The following IGSF3 variants were observed in gnomAD, a reference collection of about 807,000 sequenced individuals.
IGSF3 encodes immunoglobulin superfamily member 3.
Under a neutral mutation model 114.4 loss-of-function variants are expected in IGSF3, and 23 were observed. The ratio of observed to expected loss-of-function variants is 0.20; its 90% CI spans 0.14 to 0.28. IGSF3 has a LOEUF of 0.28. IGSF3 is among the 10% of genes least tolerant of loss of function. The probability of loss-of-function intolerance (pLI) is 1.00; values close to 1 mark genes in which losing one functional copy is unlikely to be tolerated. For synonymous variants in IGSF3, 571 were observed against 645.2 expected (o/e 0.88, Z 1.74); for missense variants, 1,172 against 1,591.5 (o/e 0.74, Z 4.48).
chr1:116,619,930 C>A (rs1571165046), intron 2 of IGSF3, among the ~76,000 whole-genome samples: 1 of 152,152 alleles, frequency 6.6e-6, no homozygotes, highest in East Asian at 1.9e-4. Flanking sequence ...GACAGGATGG[C>A]AAGTGATTTT....
chr1:116,643,103 G>C (rs1371947900), intron 2 of IGSF3, among the ~76,000 whole-genome samples: 1 of 152,206 alleles, frequency 6.6e-6, no homozygotes, highest in Non-Finnish European at 1.5e-5. Context: ...CAGGGTCATG[G>C]TGCAGGCTCC....
intron 9 of IGSF3, among the ~76,000 whole-genome samples, chr1:116,580,380 A>G (rs1263372224): frequency 6.6e-6 from 1 of 152,236 alleles, no homozygotes; most frequent in Non-Finnish European, 1.5e-5. Context: ...GGCTGGTGCT[A>G]TGAACTGAAT....
In IGSF3 at chr1:116,618,490, G is replaced by A. The variant is rs1429456798; in HGVS notation, c.44-2033C>T. Among the ~76,000 whole-genome samples the A allele has an allele frequency of 1.3e-5, 2 of 152,146 alleles. No homozygotes were observed. The highest frequency in any genetic ancestry group is 2.9e-5 in the Non-Finnish European group (2 of 68,032). ...AGCATATATAGAGATCTAATATATG[G>A]CACTTAATGTTGGCATGGCAGATCA... On this transcript the variant is annotated intron_variant, in intron 2 of 10. Transcript: ENST00000369486. This position sits in a 1 kb window ranked among gnomAD's most constrained non-coding sequence, Gnocchi z 4.7.
intron 4 of IGSF3, among the ~76,000 whole-genome samples, chr1:116,609,035 TTACTTTAGTAGGAAAGTACC>T (rs1660909206): frequency 1.3e-5 from 2 of 152,046 alleles, no homozygotes; most frequent in East Asian, 3.9e-4. Context: ...TACTAAGTAC[TTACTTTAGTAGGAAAGTACC>T]TACTTTAGTG....
rs1352685422 is a variant in IGSF3 at position 116,614,303 on chromosome 1, T to A, written c.422-128A>T. On this transcript the variant is annotated intron_variant, in intron 3 of 10. Transcript: ENST00000369486. This position sits in a 1 kb window ranked among gnomAD's most constrained non-coding sequence, Gnocchi z 4.5. ...CTAACAGTCATCCTTGAACCATCGATTCAAGGCCACAGACAGCCCCAAATG... is the reference window on the plus strand; with the variant it reads ...CTAACAGTCATCCTTGAACCATCGAATCAAGGCCACAGACAGCCCCAAATG... 16 of 717,064 alleles carry A rather than the reference T, an allele frequency of 2.2e-5. No individual in the cohort carries two copies. Among genetic ancestry groups the A allele is most frequent in the Non-Finnish European group, 3.7e-5 (16 of 427,088 alleles). The allele number at this position is 717,064 out of a possible 1,614,324, so 44.4% of individuals were successfully genotyped here.
intron 2 of IGSF3, among the ~76,000 whole-genome samples, chr1:116,652,287 C>T (rs901285823): frequency 6.6e-6 from 1 of 152,184 alleles, no homozygotes; most frequent in African/African-American, 2.4e-5. Flanking sequence ...GCACTAATTG[C>T]AAATCATTCT....
chr1:116,601,314 C>T (rs1571143014), intron 6 of IGSF3, among the ~76,000 whole-genome samples: 1 of 152,126 alleles, frequency 6.6e-6, no homozygotes, highest in Admixed American at 6.5e-5. Flanking sequence ...ATTCCAGGGG[C>T]CTTTTTAGGT....
rs1648508033 is a variant in IGSF3, at chr1:116,648,719, G to C, written c.43+17565C>G. Among the ~76,000 whole-genome samples the C allele has an allele frequency of 6.6e-6, 1 of 152,180 alleles. No homozygotes were observed. Among genetic ancestry groups the C allele is most frequent in the African/African-American group, 2.4e-5 (1 of 41,438 alleles). ...TGCACCTTATTCCTATTCAGGTCTG[G>C]AGATCTGGAACTTCTTCCTGAAGCT... is the stretch of plus-strand genomic sequence containing the variant. On this transcript the variant is annotated intron_variant, in intron 2 of 10. Coordinates refer to ENST00000369486, the MANE Select transcript of IGSF3 (RefSeq NM_001007237.3). The surrounding 1 kb of genome is among the most constrained non-coding windows in gnomAD (Gnocchi z 4.7).
In IGSF3 at chr1:116,612,280, C is replaced by T. The variant is rs1398410099; in HGVS notation, c.832+1485G>A. 6.6e-6 allele frequency among the ~76,000 whole-genome samples: 1 copy of T among 152,154 alleles called. No homozygotes were observed. The highest frequency in any genetic ancestry group is 1.5e-5 in the Non-Finnish European group (1 of 68,022). On this transcript the variant is annotated intron_variant, in intron 4 of 10. Transcript: ENST00000369486. The surrounding 1 kb of genome is among the most constrained non-coding windows in gnomAD (Gnocchi z 4.1). ...TTAATATTGAAAGATCCAGAAGCTG[C>T]TAAATGTCCTACAGAGCAGATAAAG... is the stretch of plus-strand genomic sequence containing the variant.
Position 116,579,344 on chromosome 1 carries a change from C to A in IGSF3, c.3334+48G>T, listed in dbSNP as rs370232026. 2.1e-4 allele frequency: 319 copies of A among 1,515,962 alleles called. No homozygotes were observed. The highest frequency in any genetic ancestry group is 2.7e-4 in the Admixed American group (12 of 44,720). 93.9% of individuals were successfully genotyped at this position (1,515,962 alleles called of 1,614,324 possible). ...CAAGCTCAAATTTATCTTCCAGACA[C>A]AGTTGGAACCAACAGTGACATCCTC... On this transcript the variant is annotated intron_variant, in intron 10 of 10. Coordinates refer to ENST00000369486, the MANE Select transcript of IGSF3 (RefSeq NM_001007237.3). This position sits in a 1 kb window ranked among gnomAD's most constrained non-coding sequence, Gnocchi z 6.4.
At position 116,603,648 on chromosome 1, in the gene IGSF3, T is replaced by A. The variant is rs771729791; in HGVS notation, c.1600A>T (p.Thr534Ser). 6.2e-7 allele frequency: 1 copy of A among 1,613,270 alleles called. No homozygotes were observed. The highest frequency in any genetic ancestry group is 2.2e-5 in the East Asian group (1 of 44,856). ...CCAAGAGCTGTGATGGAGATGGGAG[T>A]GCTGGCCCGGCGCTCCCCAACAATC... The part of the protein sequence containing the change: ...WQIVGERRAS[T>S]PISITALEMG... Residue 534 changes from threonine to serine, a missense_variant, in exon 6 of 11, where the codon ACT becomes TCT. Transcript: ENST00000369486. This position sits in a 1 kb window ranked among gnomAD's most constrained non-coding sequence, Gnocchi z 7.1.
At chr1:116,620,753 G>A (rs1334052197) in intron 2 of IGSF3, among the ~76,000 whole-genome samples, 2 of 152,116 alleles carry the variant, frequency 1.3e-5, no homozygotes, top group African/African-American at 4.8e-5. Context: ...TCTTTTTGTT[G>A]TTGTTGAGAC....
intron 2 of IGSF3, among the ~76,000 whole-genome samples, chr1:116,640,476 T>C (rs540303670): frequency 6.6e-6 from 1 of 152,370 alleles, no homozygotes; most frequent in Admixed American, 6.5e-5. Context: ...ACTACCTATG[T>C]ATGTAGCCAT....
At chr1:116,617,896 C>A (rs1166968038) in intron 2 of IGSF3, among the ~76,000 whole-genome samples, 2 of 152,250 alleles carry the variant, frequency 1.3e-5, no homozygotes, top group African/African-American at 4.8e-5. Flanking sequence ...CTGCCCACCT[C>A]CTCCCACAGC....
At chr1:116,620,201 A>G (rs1379850537) in intron 2 of IGSF3, among the ~76,000 whole-genome samples, 1 of 152,138 alleles carries the variant, frequency 6.6e-6, no homozygotes, top group Non-Finnish European at 1.5e-5. Flanking sequence ...TGGCCATCCC[A>G]GAGTTTATGC....
chr1:116,587,410 G>A (rs1557858036), intron 8 of IGSF3, among the ~76,000 whole-genome samples: 1 of 152,148 alleles, frequency 6.6e-6, no homozygotes. Flanking sequence ...GTTAAAATGA[G>A]CTAGGAATCC....
intron 2 of IGSF3, among the ~76,000 whole-genome samples, chr1:116,639,805 G>C (rs911489376): frequency 2.0e-5 from 3 of 152,074 alleles, no homozygotes; most frequent in Admixed American, 6.5e-5. Flanking sequence ...AGGCCAAGTT[G>C]GGCGAATCAC....
rs1648650819 is a variant in IGSF3 at position 116,651,985 on chromosome 1, A to C, written c.43+14299T>G. Among the ~76,000 whole-genome samples, 1 of 152,236 alleles carries C rather than the reference A, an allele frequency of 6.6e-6. No individual in the cohort carries two copies. The highest frequency in any genetic ancestry group is 2.4e-5 in the African/African-American group (1 of 41,456). ...AGCAGAACACATCATATATTTGTTA[A>C]ATGTATTGATTAGTGTTACAACAGA... On this transcript the variant is annotated intron_variant, in intron 2 of 10. Coordinates refer to ENST00000369486, the MANE Select transcript of IGSF3 (RefSeq NM_001007237.3). The surrounding 1 kb of genome is among the most constrained non-coding windows in gnomAD (Gnocchi z 4.4).
chr1:116,587,436 C>A (rs947964739), intron 8 of IGSF3, among the ~76,000 whole-genome samples: 1 of 152,028 alleles, frequency 6.6e-6, no homozygotes, highest in South Asian at 2.1e-4. Flanking sequence ...CACGGAAGAG[C>A]AAGACAAATG....
Sources: allele counts gnomAD v4.1 joint callset (sites outside exome capture counted in the v4.1 genomes callset), GRCh38; gene constraint gnomAD v4.1.1; non-coding constraint Gnocchi (gnomAD v3.1); transcripts MANE v1.5; gene names NCBI Gene and HGNC (gene_info 2026-07-23, HGNC 2026-07-21).